The following NPAS3 variants were observed in gnomAD, a reference collection of about 807,000 sequenced individuals.
The protein encoded by NPAS3 is neuronal PAS domain protein 3, also known as neuronal PAS domain-containing protein 3.
In NPAS3, 14 loss-of-function variants were observed where a neutral mutation model predicts 73.1. The ratio of observed to expected loss-of-function variants is 0.19; its 90% CI spans 0.13 to 0.30. The LOEUF (loss-of-function observed/expected upper bound fraction) is 0.30. Ranked by LOEUF, NPAS3 falls within the 10% of genes least tolerant of loss-of-function variation. NPAS3 has a pLI of 1.00. For missense variants in NPAS3, 1,096 were observed against 1,250.0 expected (o/e 0.88, Z 1.86); for synonymous variants, 620 against 541.5 (o/e 1.14, Z -2.01).
At chr14:33,294,894 A>G (rs2042233802) in intron 3 of NPAS3, among the ~76,000 whole-genome samples, 1 of 152,156 alleles carries the variant, frequency 6.6e-6, no homozygotes, top group African/African-American at 2.4e-5. Flanking sequence ...GCTTTTGCTG[A>G]AGCCACGTGG....
intron 5 of NPAS3, among the ~76,000 whole-genome samples, chr14:33,658,808 A>C (rs145472244): frequency 4.3e-4 from 66 of 152,252 alleles, no homozygotes; most frequent in Middle Eastern, 6.8e-3. Flanking sequence ...TCCCCCACTA[A>C]TAGTGTATTA....
At chr14:33,712,843 G>A (rs140116059) in intron 6 of NPAS3, among the ~76,000 whole-genome samples, 49 of 152,256 alleles carry the variant, frequency 3.2e-4, no homozygotes, top group African/African-American at 1.2e-3. Context: ...GGGACGGGAA[G>A]GAGAGGTGTT....
chr14:33,334,581 A>G (rs2044130728), intron 3 of NPAS3, among the ~76,000 whole-genome samples: 1 of 152,190 alleles, frequency 6.6e-6, no homozygotes. Flanking sequence ...CAGTAGTCTT[A>G]TTTAACCAGG....
At chr14:33,516,672 T>C (rs1253093393) in intron 4 of NPAS3, among the ~76,000 whole-genome samples, 4 of 152,138 alleles carry the variant, frequency 2.6e-5, no homozygotes, top group Admixed American at 6.5e-5. Context: ...CTGTGCATAT[T>C]AAATCTGTAT....
intron 2 of NPAS3, among the ~76,000 whole-genome samples, chr14:33,068,057 GTTCAGAT>G (rs1362745208): frequency 6.6e-6 from 1 of 152,086 alleles, no homozygotes; most frequent in Non-Finnish European, 1.5e-5. Context: ...ACTCAGTTTG[GTTCAGAT>G]AAATACTTGA....
intron 2 of NPAS3, among the ~76,000 whole-genome samples, chr14:33,147,730 A>AAAATATATATATATATATAT (rs372663411): frequency 1.6e-4 from 21 of 130,380 alleles, no homozygotes; most frequent in African/African-American, 6.5e-4. Flanking sequence ...TAGAATAAAA[A>AAAATATATATATATATATAT]ATATATATAT....
At chr14:33,487,401 G>A (rs2051662723) in intron 4 of NPAS3, among the ~76,000 whole-genome samples, 1 of 152,128 alleles carries the variant, frequency 6.6e-6, no homozygotes, top group South Asian at 2.1e-4. Flanking sequence ...TCAGAAATAA[G>A]TGTGTATATC....
intron 3 of NPAS3, among the ~76,000 whole-genome samples, chr14:33,260,386 C>A (rs942184564): frequency 1.3e-5 from 2 of 151,512 alleles, no homozygotes; most frequent in Non-Finnish European, 2.9e-5. Flanking sequence ...AGTTCACTTT[C>A]GCTCCTGTCA....
intron 4 of NPAS3, among the ~76,000 whole-genome samples, chr14:33,541,289 C>A (rs774130242): frequency 2.6e-5 from 4 of 152,044 alleles, no homozygotes; most frequent in Non-Finnish European, 5.9e-5. Flanking sequence ...AAATCTTGGG[C>A]CAGAAAATGG....
chr14:33,397,202 T>C (rs900244558), intron 4 of NPAS3, among the ~76,000 whole-genome samples: 2 of 152,162 alleles, frequency 1.3e-5, no homozygotes, highest in African/African-American at 4.8e-5. Context: ...CTTGGTTCTC[T>C]GTCTCTTAAC....
chr14:33,515,366 A>T (rs1165287185), intron 4 of NPAS3, among the ~76,000 whole-genome samples: 1 of 152,110 alleles, frequency 6.6e-6, no homozygotes, highest in African/African-American at 2.4e-5. Context: ...ATGTATATAT[A>T]GAAAATCATT....
intron 4 of NPAS3, among the ~76,000 whole-genome samples, chr14:33,461,598 G>A (rs1252726882): frequency 1.3e-5 from 2 of 152,172 alleles, no homozygotes; most frequent in African/African-American, 4.8e-5. Flanking sequence ...GGTGACATTT[G>A]GTTAGGATTT....
intron 1 of NPAS3, among the ~76,000 whole-genome samples, chr14:33,043,111 AG>A (rs2040397923): frequency 6.6e-6 from 1 of 152,196 alleles, no homozygotes; most frequent in Non-Finnish European, 1.5e-5. Flanking sequence ...GTCATTCAAA[AG>A]AAGTAGAAGA....
intron 5 of NPAS3, among the ~76,000 whole-genome samples, chr14:33,639,229 G>A (rs2058610310): frequency 1.3e-5 from 2 of 152,100 alleles, no homozygotes; most frequent in Admixed American, 6.6e-5. Flanking sequence ...AAAGCCCAAT[G>A]GCTCAATAAA....
At chr14:33,280,101 T>C (rs948337525) in intron 3 of NPAS3, among the ~76,000 whole-genome samples, 1 of 152,004 alleles carries the variant, frequency 6.6e-6, no homozygotes, top group East Asian at 1.9e-4. Context: ...TGGCGGAGAG[T>C]CTCAGCACAC....
At chr14:33,719,733 G>C (rs1159152215) in intron 6 of NPAS3, among the ~76,000 whole-genome samples, 3 of 152,142 alleles carry the variant, frequency 2.0e-5, no homozygotes, top group Non-Finnish European at 4.4e-5. Flanking sequence ...TGATGGACTA[G>C]TCTCAAACTC....
At chr14:33,466,347 A>C (rs2050525683) in intron 4 of NPAS3, among the ~76,000 whole-genome samples, 1 of 152,218 alleles carries the variant, frequency 6.6e-6, no homozygotes, top group Non-Finnish European at 1.5e-5. Flanking sequence ...ATGCTAGAAA[A>C]AGCAGATGAT....
At chr14:33,673,087 G>A (rs555272166) in intron 5 of NPAS3, among the ~76,000 whole-genome samples, 1 of 152,298 alleles carries the variant, frequency 6.6e-6, no homozygotes, top group Non-Finnish European at 1.5e-5. Context: ...GAGTTCAATG[G>A]CAAAGCATCT....
intron 8 of NPAS3, among the ~76,000 whole-genome samples, chr14:33,776,378 A>G (rs2062815578): frequency 6.6e-6 from 1 of 152,000 alleles, no homozygotes; most frequent in Non-Finnish European, 1.5e-5. Context: ...TGATTGTCCT[A>G]TCCCAAAACA....
Sources: gnomAD v4.1 joint callset for allele counts (sites outside exome capture counted in the v4.1 genomes callset) on GRCh38, gnomAD v4.1.1 for gene constraint, MANE v1.5 for transcripts, NCBI Gene and HGNC (gene_info 2026-07-23, HGNC 2026-07-21) for gene names.